ADPRHL1: variants seen among roughly 807,000 people sequenced by gnomAD.
ADPRHL1 encodes inactive ADP-ribosyltransferase ARH2.
In ADPRHL1, 43 loss-of-function variants were observed where a neutral mutation model predicts 44.1. The observed-to-expected ratio is 0.98, with a 90% confidence interval of 0.76 to 1.26. The LOEUF (loss-of-function observed/expected upper bound fraction) is 1.26. Among genes scored for constraint, ADPRHL1 ranks in the 50% most tolerant of loss-of-function variants. The pLI is 0.00. For missense variants in ADPRHL1, 2,022 were observed against 2,496.9 expected (o/e 0.81, Z 4.05); for synonymous variants, 878 against 1,017.4 (o/e 0.86, Z 2.61).
In ADPRHL1 at chr13:113,424,322, G is replaced by A. The variant is rs1463128417; in HGVS notation, c.802C>T (p.Arg268Ter). 10 of 1,612,724 alleles carry A rather than the reference G, an allele frequency of 6.2e-6. No individual in the cohort carries two copies. The highest frequency in any genetic ancestry group is 1.7e-4 in the Middle Eastern group (1 of 6,056). ...GCATCGTGGCCTCGTCTTCCCCCTC[G>A]ACCTTCCGAGCTCCACTTCCTGTAG... Reference protein sequence around the residue: ...KTYRKWSSEGRGGRRGHDAPM... With the variant: ...KTYRKWSSEG The change falls in exon 6 of 8, where the codon CGA becomes TGA. Residue 268 changes from arginine to a stop codon, truncating the protein, a stop_gained. Coordinates refer to ENST00000612156, the MANE Select transcript of ADPRHL1 (RefSeq NM_001394807.1). LOFTEE classifies it high-confidence loss of function.
At position 113,407,987 on chromosome 13, in the gene ADPRHL1, A is replaced by T; in HGVS notation, c.1295T>A (p.Leu432Gln). 8.1e-7 allele frequency: 1 copy of T among 1,232,320 alleles called. No individual in the cohort carries two copies. Among genetic ancestry groups the T allele is most frequent in the Non-Finnish European group, 1.0e-6 (1 of 988,212 alleles). 76.3% of individuals were successfully genotyped at this position (1,232,320 alleles called of 1,614,324 possible). The change falls in exon 8 of 8, where the codon CTG becomes CAG. Residue 432 changes from leucine to glutamine, a missense_variant. Coordinates refer to ENST00000612156, the MANE Select transcript of ADPRHL1 (RefSeq NM_001394807.1). The part of the protein sequence containing the change: ...ATQRPTRFQL[L>Q]QAKFLGTGRE... ...GCCAGTGCCCAGGAACTTGGCCTGC[A>T]GGAGCTGGAAGCGCGTGGGCCGCTG...
At chr13:113,414,700 G>T (rs2043878609) in intron 7 of ADPRHL1, among the ~76,000 whole-genome samples, 1 of 150,490 alleles carries the variant, frequency 6.6e-6, no homozygotes, top group South Asian at 2.1e-4. Flanking sequence ...TTTTTAGATG[G>T]AGTCTTTCTC....
chr13:113,421,595 C>T (rs1195004199), intron 7 of ADPRHL1, among the ~76,000 whole-genome samples: 4 of 152,144 alleles, frequency 2.6e-5, no homozygotes, highest in African/African-American at 9.7e-5. Flanking sequence ...GGGGCTGGCC[C>T]GGGAAGCCTG....
Position 113,453,426 on chromosome 13 carries a change from A to C in ADPRHL1, c.12T>G (p.Phe4Leu). 2 of 1,614,042 alleles carry C rather than the reference A, an allele frequency of 1.2e-6. No individual in the cohort carries two copies. The highest frequency in any genetic ancestry group is 4.5e-5 in the East Asian group (2 of 44,876). The change falls in exon 1 of 8, where the codon TTT (phenylalanine) becomes TTG (leucine). Residue 4 changes from phenylalanine to leucine, a missense_variant. Physicochemically the swap from Phe to Leu is conservative, Grantham distance 22. Around this residue, in one of 8 missense-constraint regions of ADPRHL1, gnomAD observed 437 missense variants for 430.7 expected, o/e 1.01. Transcript: ENST00000612156. The surrounding 1 kb of genome is among the most constrained non-coding windows in gnomAD (Gnocchi z 5.4). Reference sequence around the variant, plus strand: ...CGCTCCCCAGCAACATCGCAGCCTTAAATTTCTCCATCCCAGGAGGCAGCT... The same window carrying C: ...CGCTCCCCAGCAACATCGCAGCCTTCAATTTCTCCATCCCAGGAGGCAGCT... Reference protein sequence around the residue: MEKFKAAMLLGSVG... With the variant: MEKLKAAMLLGSVG...
chr13:113,433,720 C>G (rs1465833661), intron 3 of ADPRHL1, 22 bp downstream of exon 3: 1 of 1,563,762 alleles, frequency 6.4e-7, no homozygotes, highest in Non-Finnish European at 8.6e-7. Flanking sequence ...TGACCTCCCT[C>G]CCACCCCCCG....
intron 7 of ADPRHL1, among the ~76,000 whole-genome samples, chr13:113,419,652 A>G (rs964820045): frequency 6.6e-6 from 1 of 152,200 alleles, no homozygotes; most frequent in African/African-American, 2.4e-5. Flanking sequence ...CACTCACGCG[A>G]TGGAAACCAC....
chr13:113,438,985 G>A (rs1340911030), intron 2 of ADPRHL1, among the ~76,000 whole-genome samples: 1 of 152,230 alleles, frequency 6.6e-6, no homozygotes, highest in East Asian at 1.9e-4. Flanking sequence ...TTCCTGGAGA[G>A]CAGAAAAATG....
intron 1 of ADPRHL1, among the ~76,000 whole-genome samples, chr13:113,448,046 A>G (rs1055661315): frequency 6.6e-6 from 1 of 152,222 alleles, no homozygotes; most frequent in African/African-American, 2.4e-5. Context: ...AAATGGCACA[A>G]ACAGCATTGT....
chr13:113,413,172 C>T (rs968445864), intron 7 of ADPRHL1, among the ~76,000 whole-genome samples: 2 of 152,212 alleles, frequency 1.3e-5, no homozygotes, highest in Admixed American at 1.3e-4. Flanking sequence ...TCGCAGAACT[C>T]GGTTCACCCA....
chr13:113,434,249 C>A (rs1044932087), intron 2 of ADPRHL1, among the ~76,000 whole-genome samples: 5 of 152,056 alleles, frequency 3.3e-5, no homozygotes, highest in Admixed American at 1.3e-4. Flanking sequence ...ACTGGTGTAC[C>A]GCGGGACCCA....
chr13:113,425,185 C>T lies in ADPRHL1; in HGVS notation c.647-6G>A. The stretch of plus-strand genomic sequence containing the variant: ...AAACCAGTGCTCCTGGTATTCTAAA[C>T]ATAAAGAACAAGGGGAGCTGAACAC... On this transcript the variant is annotated splice_region_variant and splice_polypyrimidine_tract_variant and intron_variant, in intron 4 of 7. Transcript: ENST00000612156. 2 of 1,361,192 alleles carry T rather than the reference C, an allele frequency of 1.5e-6. No homozygotes were observed. Among genetic ancestry groups the T allele is most frequent in the South Asian group, 1.2e-5 (1 of 85,492 alleles). The allele number at this position is 1,361,192 out of a possible 1,614,324, so 84.3% of individuals were successfully genotyped here. A position where few individuals can be genotyped will look rare whatever the true frequency, so the allele number is the denominator to read the frequency against.
At position 113,403,429 on chromosome 13, in the gene ADPRHL1, G is replaced by A; in HGVS notation, c.5853C>T (p.Ser1951=). The A allele has an allele frequency of 8.1e-7, 1 of 1,232,124 alleles. No individual in the cohort carries two copies. Among genetic ancestry groups the A allele is most frequent in the Non-Finnish European group, 1.0e-6 (1 of 988,006 alleles). The allele number at this position is 1,232,124 out of a possible 1,614,324, so 76.3% of individuals were successfully genotyped here. ...SFRDQRAFDL[S]FRPMSVRASD... ...TGGCCCTGACGCTCATTGGTCTGAAGGACAAATCGAAGGCCCTCTGGTCAC... is the reference window on the plus strand; with the variant it reads ...TGGCCCTGACGCTCATTGGTCTGAAAGACAAATCGAAGGCCCTCTGGTCAC... The change falls in exon 8 of 8, where the codon TCC becomes TCT. Residue 1951 remains serine, a synonymous_variant. Transcript: ENST00000612156.
chr13:113,430,380 T>C (rs1395987960), intron 3 of ADPRHL1, among the ~76,000 whole-genome samples: 1 of 152,136 alleles, frequency 6.6e-6, no homozygotes, highest in African/African-American at 2.4e-5. Flanking sequence ...CTAGCCATCG[T>C]GGGGACTGCA....
Position 113,425,182 on chromosome 13 carries a change from A to C in ADPRHL1, c.647-3T>G. 6.2e-7 allele frequency: 1 copy of C among 1,611,958 alleles called. No homozygotes were observed. Among genetic ancestry groups the C allele is most frequent in the Non-Finnish European group, 8.5e-7 (1 of 1,179,574 alleles). ...GTAAAACCAGTGCTCCTGGTATTCT[A>C]AACATAAAGAACAAGGGGAGCTGAA... On this transcript the variant is annotated splice_region_variant and splice_polypyrimidine_tract_variant and intron_variant, in intron 4 of 7. Transcript: ENST00000612156.
chr13:113,429,029 A>C lies in ADPRHL1; in HGVS notation c.569T>G (p.Val190Gly). The C allele has an allele frequency of 6.2e-7, 1 of 1,612,768 alleles. No individual in the cohort carries two copies. Among genetic ancestry groups the C allele is most frequent in the Non-Finnish European group, 8.5e-7 (1 of 1,179,964 alleles). Residue 190 changes from valine to glycine, a missense_variant, in exon 4 of 8, where the codon GTC (valine) becomes GGC (glycine). By Grantham distance (109) the Val-to-Gly change is moderately radical. Coordinates refer to ENST00000612156, the MANE Select transcript of ADPRHL1 (RefSeq NM_001394807.1). ...CCGCAGCATGTCTCTCCCCCACTGG[A>C]CCAGGGGCTTTCCTTGTGCGGCGAA... Reference protein sequence around the residue: ...VSFAAQGKPLVQWGRDMLRAV... With the variant: ...VSFAAQGKPLGQWGRDMLRAV...
rs554278048 is a variant in ADPRHL1, at chr13:113,450,962, C to G, written c.214+2262G>C. On this transcript the variant is annotated intron_variant, in intron 1 of 7. Coordinates refer to ENST00000612156, the MANE Select transcript of ADPRHL1 (RefSeq NM_001394807.1). ...CCTGGGGAAAGGGAGACCCCCCCCC[C>G]CTTCCTGGTCTGCTAAGTAGCAGGT... Among the ~76,000 whole-genome samples, 1,105 of 151,810 alleles carry G rather than the reference C, an allele frequency of 7.3e-3. 22 individuals carry two copies. Among genetic ancestry groups the G allele is most frequent in the African/African-American group, 0.025 (1,028 of 41,334 alleles).
intron 7 of ADPRHL1, among the ~76,000 whole-genome samples, chr13:113,413,761 G>A (rs528248303): frequency 3.3e-5 from 5 of 152,364 alleles, no homozygotes; most frequent in East Asian, 3.9e-4. Flanking sequence ...AGTGCGGGGC[G>A]AGACCGGGCC....
chr13:113,412,420 C>T (rs1457698883), intron 7 of ADPRHL1, among the ~76,000 whole-genome samples: 27 of 152,306 alleles, frequency 1.8e-4, no homozygotes, highest in Admixed American at 9.8e-4. Flanking sequence ...CCTCGTGATC[C>T]GCCTGCCTCG....
At chr13:113,452,813 T>C (rs902287313) in intron 1 of ADPRHL1, among the ~76,000 whole-genome samples, 7 of 152,338 alleles carry the variant, frequency 4.6e-5, no homozygotes, top group African/African-American at 1.7e-4. Context: ...TGTAATGAAT[T>C]CAGAACAAGA....
Sources: allele counts gnomAD v4.1 joint callset (sites outside exome capture counted in the v4.1 genomes callset), GRCh38; gene constraint gnomAD v4.1.1; regional missense constraint gnomAD v4.1.1; non-coding constraint Gnocchi (gnomAD v3.1); transcripts MANE v1.5; gene names NCBI Gene and HGNC (gene_info 2026-07-23, HGNC 2026-07-21).